The following RBFOX1 variants were observed in gnomAD, a reference collection of about 807,000 sequenced individuals.
The protein encoded by RBFOX1 is RNA binding fox-1 homolog 1.
A neutral mutation model predicts 57.7 loss-of-function variants in RBFOX1; 8 were observed. The ratio of observed to expected loss-of-function variants is 0.14; its 90% CI spans 0.08 to 0.25. The LOEUF is 0.25. RBFOX1 is among the 10% of genes least tolerant of loss of function. The pLI is 1.00. For synonymous variants in RBFOX1, 326 were observed against 222.4 expected, an observed-to-expected ratio of 1.47 and a Z score of -4.15; for missense variants, 611 against 548.5, an observed-to-expected ratio of 1.11 and a Z score of -1.14.
At chr16:6,837,004 C>G (rs561097172) in intron 3 of RBFOX1, among the ~76,000 whole-genome samples, 10 of 152,162 alleles carry the variant, frequency 6.6e-5, no homozygotes, top group South Asian at 2.1e-4. Flanking sequence ...TAGCTTCTCA[C>G]GGATGAACAC....
intron 3 of RBFOX1, among the ~76,000 whole-genome samples, chr16:5,651,456 G>C (rs917160405): frequency 6.6e-6 from 1 of 152,140 alleles, no homozygotes; most frequent in Non-Finnish European, 1.5e-5. Context: ...GACACACACA[G>C]AATCCTGCCC....
In RBFOX1 at chr16:7,231,702, T is replaced by C. The variant is rs531610651; in HGVS notation, c.27+179604T>C. Among the ~76,000 whole-genome samples, 12 of 152,256 alleles carry C rather than the reference T, an allele frequency of 7.9e-5. No homozygotes were observed. The South Asian group carries it at 1.5e-3, about 18-fold the overall frequency. On this transcript the variant is annotated intron_variant, in intron 4 of 15. Coordinates refer to ENST00000550418, the MANE Select transcript of RBFOX1 (RefSeq NM_018723.4). ...AACAAAATGTGGTCTATCCATACAATGAAATATCATTGAGCCATAAAAAGG... is the reference window on the plus strand; with the variant it reads ...AACAAAATGTGGTCTATCCATACAACGAAATATCATTGAGCCATAAAAAGG...
At chr16:7,069,500 A>G (rs769534152) in intron 4 of RBFOX1, among the ~76,000 whole-genome samples, 3 of 152,170 alleles carry the variant, frequency 2.0e-5, no homozygotes, top group African/African-American at 4.8e-5. Flanking sequence ...TTCCAGCTTC[A>G]TCTATGTCCT....
chr16:5,440,034 G>C (rs916599513), intron 1 of RBFOX1, among the ~76,000 whole-genome samples: 1 of 152,110 alleles, frequency 6.6e-6, no homozygotes, highest in African/African-American at 2.4e-5. Context: ...TATTTAAATT[G>C]GTTGAATAAT....
intron 3 of RBFOX1, among the ~76,000 whole-genome samples, chr16:7,016,921 G>A (rs1412301175): frequency 6.6e-6 from 1 of 152,060 alleles, no homozygotes; most frequent in Admixed American, 6.5e-5. Flanking sequence ...ATCCCTCACT[G>A]GCATTTTGGT....
At chr16:5,508,361 G>A (rs2043450717) in intron 2 of RBFOX1, among the ~76,000 whole-genome samples, 1 of 152,170 alleles carries the variant, frequency 6.6e-6, no homozygotes, top group African/African-American at 2.4e-5. Flanking sequence ...CCACTCCAAT[G>A]CGGCCACTTG....
At chr16:7,253,589 C>T (rs1046957247) in intron 4 of RBFOX1, among the ~76,000 whole-genome samples, 1 of 152,138 alleles carries the variant, frequency 6.6e-6, no homozygotes, top group Non-Finnish European at 1.5e-5. Flanking sequence ...TGTCTGAATG[C>T]TCTCATTTCC....
At chr16:5,601,813 A>G (rs1321149636), downstream of RBFOX1, 2 of 152,268 alleles carry the variant, frequency 1.3e-5, no homozygotes, top group Non-Finnish European at 2.9e-5. Flanking sequence ...TGCCCACAAT[A>G]GGATCAAAGG....
At chr16:6,405,562 T>C (rs1383229779) in intron 2 of RBFOX1, among the ~76,000 whole-genome samples, 1 of 152,176 alleles carries the variant, frequency 6.6e-6, no homozygotes. Context: ...TGAAACTCCT[T>C]GGTCAGAACT....
intron 5 of RBFOX1, among the ~76,000 whole-genome samples, chr16:7,548,943 CA>C (rs2085462287): frequency 6.6e-6 from 1 of 152,086 alleles, no homozygotes; most frequent in East Asian, 1.9e-4. Flanking sequence ...ACATGCAGAC[CA>C]AGGAAAAGCC....
At chr16:5,765,212 C>G (rs1490903785) in intron 3 of RBFOX1, among the ~76,000 whole-genome samples, 1 of 152,146 alleles carries the variant, frequency 6.6e-6, no homozygotes, top group African/African-American at 2.4e-5. Context: ...CCAGAATGTG[C>G]TTAAATCTGA....
rs571053906 is a variant in RBFOX1 at position 5,371,378 on chromosome 16, G to T, written c.220-95838G>T. Among the ~76,000 whole-genome samples the T allele has an allele frequency of 3.3e-5, 5 of 152,316 alleles. No homozygotes were observed. In the East Asian group the frequency reaches 9.7e-4, roughly 29 times the overall value. On this transcript the variant is annotated intron_variant, in intron 1 of 2. Coordinates refer to the RBFOX1 transcript ENST00000585867. The stretch of plus-strand genomic sequence containing the variant: ...GAGTGATGCCAGGGATGCCGGAGAA[G>T]ACCCTGGGAGGATACAGGGAGAAGA...
intron 2 of RBFOX1, among the ~76,000 whole-genome samples, chr16:5,511,340 T>C (rs1038742311): frequency 1.1e-4 from 16 of 152,188 alleles, no homozygotes; most frequent in Admixed American, 2.6e-4. Context: ...AGGTTACTGG[T>C]CTTTGGGCTC....
At chr16:6,614,076 T>C (rs939357059) in intron 2 of RBFOX1, among the ~76,000 whole-genome samples, 1 of 152,246 alleles carries the variant, frequency 6.6e-6, no homozygotes, top group Non-Finnish European at 1.5e-5. Context: ...TAAGTTGCTT[T>C]ATTGTTTGTA....
At chr16:7,249,541 T>C (rs2094434120) in intron 4 of RBFOX1, among the ~76,000 whole-genome samples, 1 of 152,154 alleles carries the variant, frequency 6.6e-6, no homozygotes, top group South Asian at 2.1e-4. Context: ...TTATATGTTT[T>C]GTAGTTTTTT....
chr16:7,048,897 T>G (rs2048976625), intron 3 of RBFOX1, among the ~76,000 whole-genome samples: 1 of 152,200 alleles, frequency 6.6e-6, no homozygotes, highest in Non-Finnish European at 1.5e-5. Flanking sequence ...CTTGTTGCAT[T>G]CAGGCTGAAA....
At chr16:7,245,003 C>T (rs967392225) in intron 4 of RBFOX1, among the ~76,000 whole-genome samples, 36 of 152,298 alleles carry the variant, frequency 2.4e-4, no homozygotes, top group African/African-American at 8.7e-4. Flanking sequence ...AGTGCAGCTG[C>T]TCCTCAGCTG....
chr16:6,450,518 G>A (rs191804381), intron 2 of RBFOX1, among the ~76,000 whole-genome samples: 4 of 151,408 alleles, frequency 2.6e-5, no homozygotes, highest in Admixed American at 1.3e-4. Flanking sequence ...AGCAGGAAAT[G>A]TTGGCCTCTA....
At chr16:5,889,490 A>G (rs535149134) in intron 4 of RBFOX1, among the ~76,000 whole-genome samples, 1 of 152,232 alleles carries the variant, frequency 6.6e-6, no homozygotes, top group African/African-American at 2.4e-5. Context: ...GGTTGATTTC[A>G]TGTCTTTACT....
Sources: gnomAD v4.1 joint callset for allele counts (sites outside exome capture counted in the v4.1 genomes callset) on GRCh38, gnomAD v4.1.1 for gene constraint, MANE v1.5 for transcripts, NCBI Gene and HGNC (gene_info 2026-07-23, HGNC 2026-07-21) for gene names.